Variants in C3orf70 observed in about 807,000 individuals in gnomAD.
C3orf70 encodes the protein UPF0524 protein C3orf70.
C3orf70 carries 15 observed loss-of-function variants against 20.7 expected under a neutral mutation model. That is an observed-to-expected ratio of 0.72 (90% confidence interval 0.48 to 1.11). C3orf70 has a LOEUF of 1.11. Ranked by LOEUF, C3orf70 falls within the 50% of genes most tolerant of loss-of-function variation. The pLI, the probability that C3orf70 is intolerant of heterozygous loss-of-function variation, is 0.00. For missense variants in C3orf70, 332 were observed against 317.6 expected, an observed-to-expected ratio of 1.05 and a Z score of -0.34; for synonymous variants, 161 against 125.7, an observed-to-expected ratio of 1.28 and a Z score of -1.88.
intron 1 of C3orf70, among the ~76,000 whole-genome samples, chr3:185,133,006 TG>T (rs1716553745): frequency 6.6e-6 from 1 of 152,252 alleles, no homozygotes; most frequent in Admixed American, 6.5e-5. Flanking sequence ...TTCAATATAC[TG>T]GAAGTCTATC....
rs1239923140 is a variant in C3orf70, at chr3:185,083,499, C to G, written c.261G>C (p.Arg87Ser). The G allele has an allele frequency of 6.2e-7, 1 of 1,613,504 alleles. No individual in the cohort carries two copies. The highest frequency in any genetic ancestry group is 8.5e-7 in the Non-Finnish European group (1 of 1,179,854). The change falls in exon 2 of 2, where the codon AGG becomes AGC. Residue 87 changes from arginine (R) to serine (S), a missense_variant. Physicochemically the swap from Arg to Ser is moderately radical, Grantham distance 110. Coordinates refer to ENST00000335012, the MANE Select transcript of C3orf70 (RefSeq NM_001025266.3). ...GAATGGTGTTTGTGGGTTCCCGAGGCCTGGCAGGAATCTCAGTGCTTGGAA... is the reference window on the plus strand; with the variant it reads ...GAATGGTGTTTGTGGGTTCCCGAGGGCTGGCAGGAATCTCAGTGCTTGGAA... ...EQLPSTEIPA[R>S]PREPTNTIQI...
At chr3:185,125,923 G>T (rs562745333) in intron 1 of C3orf70, among the ~76,000 whole-genome samples, 2 of 152,278 alleles carry the variant, frequency 1.3e-5, no homozygotes, top group South Asian at 4.2e-4. Flanking sequence ...CTATAAAGTT[G>T]AAAGAAATTT....
chr3:185,131,905 T>C (rs1475620894), intron 1 of C3orf70, among the ~76,000 whole-genome samples: 2 of 152,160 alleles, frequency 1.3e-5, no homozygotes, highest in African/African-American at 4.8e-5. Context: ...AAGAGTAAAT[T>C]ACAAATAAAC....
chr3:185,086,812 G>A (rs1715467914), intron 1 of C3orf70, among the ~76,000 whole-genome samples: 1 of 152,008 alleles, frequency 6.6e-6, no homozygotes. Flanking sequence ...AAAGAGAGGA[G>A]GAAAATAGTA....
intron 1 of C3orf70, among the ~76,000 whole-genome samples, chr3:185,142,637 C>A (rs1012481220): frequency 1.3e-5 from 2 of 152,112 alleles, no homozygotes; most frequent in South Asian, 2.1e-4. Context: ...TGTTAGGGAA[C>A]AGACTATTCA....
At chr3:185,097,930 T>C (rs1715745101) in intron 1 of C3orf70, among the ~76,000 whole-genome samples, 1 of 152,226 alleles carries the variant, frequency 6.6e-6, no homozygotes, top group Non-Finnish European at 1.5e-5. Flanking sequence ...GATAACTTTA[T>C]GGTTTTAGCC....
chr3:185,141,367 A>C (rs979656502), intron 1 of C3orf70, among the ~76,000 whole-genome samples: 1 of 152,120 alleles, frequency 6.6e-6, no homozygotes, highest in African/African-American at 2.4e-5. Context: ...TAAAAAAAAA[A>C]ACGAAACATG....
At chr3:185,083,586 T>C (rs771108731) in intron 1 of C3orf70, 23 bp from the exon 2 acceptor site, 9 of 1,536,828 alleles carry the variant, frequency 5.9e-6, no homozygotes, top group Non-Finnish European at 2.6e-6. Context: ...AAAAAGACAC[T>C]TGAAATCTAT....
chr3:185,115,524 C>T (rs1716156847), intron 1 of C3orf70, among the ~76,000 whole-genome samples: 1 of 152,050 alleles, frequency 6.6e-6, no homozygotes. Flanking sequence ...TCCCTATGGT[C>T]AAGGAGAGAG....
At chr3:185,131,081 T>C (rs1026981245) in intron 1 of C3orf70, among the ~76,000 whole-genome samples, 79 of 152,324 alleles carry the variant, frequency 5.2e-4, no homozygotes, top group African/African-American at 1.6e-3. Flanking sequence ...CCACCAACAA[T>C]GCATGAGGGT....
intron 1 of C3orf70, among the ~76,000 whole-genome samples, chr3:185,107,135 G>A (rs148073320): frequency 0.053 from 8,013 of 152,170 alleles, 676 homozygotes; most frequent in African/African-American, 0.18. Flanking sequence ...ATACAGGAGC[G>A]GACATTTCAA....
intron 1 of C3orf70, among the ~76,000 whole-genome samples, chr3:185,127,299 ATGT>A (rs1300491297): frequency 1.3e-5 from 2 of 152,216 alleles, no homozygotes; most frequent in Non-Finnish European, 2.9e-5. Flanking sequence ...GAAAAACTAA[ATGT>A]TGTTGCAGAA....
chr3:185,120,876 C>T (rs1716283433), intron 1 of C3orf70, among the ~76,000 whole-genome samples: 1 of 152,134 alleles, frequency 6.6e-6, no homozygotes, highest in Non-Finnish European at 1.5e-5. Context: ...AATCCCACTA[C>T]TGGGTATATA....
chr3:185,084,858 G>A (rs1307109569), intron 1 of C3orf70, among the ~76,000 whole-genome samples: 1 of 152,204 alleles, frequency 6.6e-6, no homozygotes, highest in Non-Finnish European at 1.5e-5. Flanking sequence ...AAATCCCAGA[G>A]ACAAGTAGCC....
rs186935088 is a variant in C3orf70 at position 185,103,533 on chromosome 3, A to C, written c.197-19970T>G. On this transcript the variant is annotated intron_variant, in intron 1 of 1. Transcript: ENST00000335012. ...AAAACCATTAAAAAGTGGGCAAAAA[A>C]CATGAACAGACACTTTTCAAAAGAA... 3.0e-3 allele frequency among the ~76,000 whole-genome samples: 462 copies of C among 152,082 alleles called. 21 individuals are homozygous for C. The highest frequency in any genetic ancestry group is 0.028 in the Admixed American group (421 of 15,218).
intron 1 of C3orf70, among the ~76,000 whole-genome samples, chr3:185,087,679 T>C (rs1472740493): frequency 6.6e-6 from 1 of 152,106 alleles, no homozygotes; most frequent in Non-Finnish European, 1.5e-5. Context: ...TGGGGAGTTG[T>C]TGTTTAATGG....
intron 1 of C3orf70, among the ~76,000 whole-genome samples, chr3:185,114,906 A>G (rs1430212342): frequency 6.6e-6 from 1 of 152,220 alleles, no homozygotes; most frequent in Non-Finnish European, 1.5e-5. Context: ...AAGAAGCCCT[A>G]AACTCTGAGG....
chr3:185,093,122 C>G (rs2108589483), intron 1 of C3orf70, among the ~76,000 whole-genome samples: 1 of 152,328 alleles, frequency 6.6e-6, no homozygotes, highest in South Asian at 2.1e-4. Context: ...CCACCAACCC[C>G]CTCCCAGTAT....
intron 1 of C3orf70, among the ~76,000 whole-genome samples, chr3:185,152,365 G>T (rs192852862): frequency 6.6e-6 from 1 of 152,318 alleles, no homozygotes; most frequent in Admixed American, 6.5e-5. Context: ...CCTGGGACAG[G>T]GAGCTCCCTT....
Sources: allele counts gnomAD v4.1 joint callset (sites outside exome capture counted in the v4.1 genomes callset), GRCh38; gene constraint gnomAD v4.1.1; transcripts MANE v1.5; gene names NCBI Gene and HGNC (gene_info 2026-07-23, HGNC 2026-07-21).